The following PHC2 variants were observed in gnomAD, a reference collection of about 807,000 sequenced individuals.
The protein encoded by PHC2 is polyhomeotic-like protein 2.
In PHC2, 29 loss-of-function variants were observed where a neutral mutation model predicts 87.4. The observed-to-expected ratio is 0.33, with a 90% CI of 0.25 to 0.45. The LOEUF (loss-of-function observed/expected upper bound fraction) is 0.45. PHC2 is among the 20% of genes least tolerant of loss of function. PHC2 has a pLI of 1.00. For synonymous variants in PHC2, 438 were observed against 461.7 expected, an observed-to-expected ratio of 0.95 and a Z score of 0.66; for missense variants, 857 against 1,136.7, an observed-to-expected ratio of 0.75 and a Z score of 3.54.
intron 12 of PHC2, among the ~76,000 whole-genome samples, chr1:33,330,843 T>G (rs1324379186): frequency 6.6e-6 from 1 of 152,204 alleles, no homozygotes; most frequent in Non-Finnish European, 1.5e-5. Flanking sequence ...CTTCCTAACC[T>G]GTATAAAGGG....
chr1:33,416,584 G>GAA (rs61591207), intron 1 of PHC2, among the ~76,000 whole-genome samples: 23,264 of 115,788 alleles, frequency 0.2, 3,643 homozygotes, highest in African/African-American at 0.45. Flanking sequence ...TCAAAAAAAA[G>GAA]AAAAAAAAAA....
chr1:33,381,705 G>A (rs1648501742), intron 1 of PHC2, among the ~76,000 whole-genome samples: 1 of 150,138 alleles, frequency 6.7e-6, no homozygotes, highest in Admixed American at 6.7e-5. Flanking sequence ...TGAAGTCCGT[G>A]TCAAAGCATA....
Position 33,367,440 on chromosome 1 carries a change from G to A in PHC2, c.664-12C>T. 6.5e-7 allele frequency: 1 copy of A among 1,534,596 alleles called. No individual in the cohort carries two copies. The highest frequency in any genetic ancestry group is 8.8e-7 in the Non-Finnish European group (1 of 1,138,052). On this transcript the variant is annotated splice_polypyrimidine_tract_variant and intron_variant, in intron 6 of 14. Transcript: ENST00000683057. ...GTCAAGTTCTGTACCTGGAAAAGAG[G>A]GGTCTGTGGGAGTCCAGAGAATGTG...
intron 7 of PHC2, among the ~76,000 whole-genome samples, chr1:33,363,499 CACAG>C (rs772835025): frequency 9.9e-5 from 15 of 152,212 alleles, no homozygotes; most frequent in Non-Finnish European, 2.2e-4. Flanking sequence ...TCCAGCCTAT[CACAG>C]ACAGAAATCA....
intron 1 of PHC2, among the ~76,000 whole-genome samples, chr1:33,404,553 GTCTTAAATTGTT>G (rs1483198427): frequency 1.3e-5 from 2 of 152,020 alleles, no homozygotes; most frequent in Non-Finnish European, 2.9e-5. Flanking sequence ...ACACAATAGG[GTCTTAAATTGTT>G]TCTGATTTTT....
chr1:33,365,269 A>G (rs778446447), intron 7 of PHC2, among the ~76,000 whole-genome samples: 1 of 152,214 alleles, frequency 6.6e-6, no homozygotes, highest in African/African-American at 2.4e-5. Flanking sequence ...CACGTTATCT[A>G]GCACACGACG....
intron 9 of PHC2, chr1:33,346,145 T>G: frequency 4.1e-6 from 4 of 985,122 alleles, no homozygotes; most frequent in Non-Finnish European, 4.8e-6. Flanking sequence ...GAGCCATTTC[T>G]GTCATTGGCA....
At chr1:33,356,276 T>TATAC (rs1557831073) in intron 7 of PHC2, among the ~76,000 whole-genome samples, 3 of 59,472 alleles carry the variant, frequency 5.0e-5, no homozygotes, top group Non-Finnish European at 6.2e-5. Context: ...TATATATATA[T>TATAC]GTATATATAT....
chr1:33,396,304 G>A (rs919417497), intron 1 of PHC2, among the ~76,000 whole-genome samples: 16 of 152,048 alleles, frequency 1.1e-4, no homozygotes, highest in East Asian at 5.8e-4. Context: ...AAGCTGGCAC[G>A]TGGTACCTCA....
chr1:33,428,070 C>T (rs140660169), intron 1 of PHC2, among the ~76,000 whole-genome samples: 3 of 152,278 alleles, frequency 2.0e-5, no homozygotes, highest in Non-Finnish European at 4.4e-5. Flanking sequence ...TACTAAATGA[C>T]TGCTATACAT....
intron 9 of PHC2, among the ~76,000 whole-genome samples, chr1:33,337,545 C>T (rs1057083215): frequency 4.6e-5 from 7 of 152,170 alleles, no homozygotes; most frequent in Non-Finnish European, 7.3e-5. Context: ...GCCTCAGCTT[C>T]ACTGGCTGTG....
chr1:33,401,469 C>T (rs1183717037), intron 1 of PHC2, among the ~76,000 whole-genome samples: 1 of 152,222 alleles, frequency 6.6e-6, no homozygotes, highest in Non-Finnish European at 1.5e-5. Flanking sequence ...TTGGCATTAG[C>T]ACTATCTTTT....
chr1:33,332,192 G>T lies in PHC2; in HGVS notation c.1891+83C>A. On this transcript the variant is annotated intron_variant, in intron 11 of 14. Transcript: ENST00000683057. This position sits in a 1 kb window ranked among gnomAD's most constrained non-coding sequence, Gnocchi z 4.2. ...GACTCGCTGGCTCAGGGTTCCTCTGGGGAAACAGAGAGAGGAAGTGTGTGA... is the reference window on the plus strand; with the variant it reads ...GACTCGCTGGCTCAGGGTTCCTCTGTGGAAACAGAGAGAGGAAGTGTGTGA... The T allele has an allele frequency of 6.6e-7, 1 of 1,520,006 alleles. No individual in the cohort carries two copies. The highest frequency in any genetic ancestry group is 2.3e-5 in the East Asian group (1 of 44,150). The allele number at this position is 1,520,006 out of a possible 1,614,324, so 94.2% of individuals were successfully genotyped here. A position where few individuals can be genotyped will look rare whatever the true frequency, so the allele number is the denominator to read the frequency against.
chr1:33,393,460 G>GA (rs1649158586), intron 1 of PHC2, among the ~76,000 whole-genome samples: 1 of 127,038 alleles, frequency 7.9e-6, no homozygotes, highest in Admixed American at 8.0e-5. Flanking sequence ...ACCTTTTCAA[G>GA]AGGTTTTTTT....
rs775469242 is a variant in PHC2, at chr1:33,354,498, C to T, written c.1461G>A (p.Arg487=). ...APGEKSVPET[R]SGPSPHQQAI... The stretch of plus-strand genomic sequence containing the variant: ...CCTGCTGATGTGGTGATGGGCCAGA[C>T]CGCGTCTCAGGCACACTTTTCTCCC... The change falls in exon 9 of 15, where the codon CGG becomes CGA. Residue 487 remains arginine, a synonymous_variant. Coordinates refer to ENST00000683057, the MANE Select transcript of PHC2 (RefSeq NM_001385109.1). 8.7e-6 allele frequency: 14 copies of T among 1,614,018 alleles called. No homozygotes were observed. The highest frequency in any genetic ancestry group is 1.2e-5 in the Non-Finnish European group (14 of 1,180,016).
In PHC2 at chr1:33,331,558, G is replaced by A; in HGVS notation, c.1892-96C>T. ...GGGCCTCCCTACTCCATCCTGCCTGGTCCTCCTGCTCCCACAGCTGTGACA... is the reference window on the plus strand; with the variant it reads ...GGGCCTCCCTACTCCATCCTGCCTGATCCTCCTGCTCCCACAGCTGTGACA... On this transcript the variant is annotated intron_variant, in intron 11 of 14. Transcript: ENST00000683057. The surrounding 1 kb of genome is among the most constrained non-coding windows in gnomAD (Gnocchi z 5.2). 1 of 701,866 alleles carries A rather than the reference G, an allele frequency of 1.4e-6. No homozygotes were observed. The highest frequency in any genetic ancestry group is 2.6e-6 in the Non-Finnish European group (1 of 389,148). The allele number at this position is 701,866 out of a possible 1,614,324, so 43.5% of individuals were successfully genotyped here.
intron 1 of PHC2, among the ~76,000 whole-genome samples, chr1:33,387,912 T>C (rs1648845486): frequency 6.6e-6 from 1 of 152,240 alleles, no homozygotes; most frequent in South Asian, 2.1e-4. Context: ...AGGCCCTGCC[T>C]GGTATCCCTG....
chr1:33,328,020 G>A (rs1646408586), intron 14 of PHC2, among the ~76,000 whole-genome samples: 1 of 152,248 alleles, frequency 6.6e-6, no homozygotes, highest in Admixed American at 6.5e-5. Context: ...CCAGTTCTGT[G>A]TGACTCAGAA....
At chr1:33,356,260 T>C (rs1467675988) in intron 7 of PHC2, among the ~76,000 whole-genome samples, 2 of 85,336 alleles carry the variant, frequency 2.3e-5, no homozygotes, top group Middle Eastern at 5.1e-3. Context: ...TATATATATA[T>C]ATATATATAT....
Sources: allele counts gnomAD v4.1 joint callset (sites outside exome capture counted in the v4.1 genomes callset), GRCh38; gene constraint gnomAD v4.1.1; non-coding constraint Gnocchi (gnomAD v3.1); transcripts MANE v1.5; gene names NCBI Gene and HGNC (gene_info 2026-07-23, HGNC 2026-07-21).